ST18: variants seen among roughly 807,000 people sequenced by gnomAD.
ST18 encodes the protein ST18 C2H2C-type zinc finger transcription factor.
In ST18, 50 loss-of-function variants were observed where a neutral mutation model predicts 110.0. The ratio of observed to expected loss-of-function variants is 0.45; its 90% CI spans 0.36 to 0.58. The LOEUF (loss-of-function observed/expected upper bound fraction) is 0.58, where lower values mean the gene tolerates loss of function less well. Among genes scored for constraint, ST18 ranks in the 20% least tolerant of loss-of-function variants. The probability of loss-of-function intolerance (pLI) is 0.00; values close to 1 mark genes in which losing one functional copy is unlikely to be tolerated. For synonymous variants in ST18, 461 were observed against 452.4 expected, an observed-to-expected ratio of 1.02 and a Z score of -0.24; for missense variants, 1,306 against 1,280.1, an observed-to-expected ratio of 1.02 and a Z score of -0.31.
chr8:52,329,181 ATG>A (rs1234713706), intron 2 of ST18, among the ~76,000 whole-genome samples: 1 of 143,318 alleles, frequency 7.0e-6, no homozygotes, highest in South Asian at 2.2e-4. Flanking sequence ...CTGTTTTTCT[ATG>A]TGTGTTTCTG....
chr8:52,163,450 T>G (rs2061974514), intron 13 of ST18, among the ~76,000 whole-genome samples: 1 of 152,178 alleles, frequency 6.6e-6, no homozygotes, highest in South Asian at 2.1e-4. Flanking sequence ...CTTCCAAATT[T>G]CTAGATATCA....
intron 4 of ST18, among the ~76,000 whole-genome samples, chr8:52,221,199 TCATTA>T (rs2086606712): frequency 6.6e-6 from 1 of 152,150 alleles, no homozygotes; most frequent in Non-Finnish European, 1.5e-5. Flanking sequence ...CTCTTAATGA[TCATTA>T]CTATTATTTT....
At chr8:52,292,691 C>T (rs1564429864) in intron 2 of ST18, among the ~76,000 whole-genome samples, 1 of 152,178 alleles carries the variant, frequency 6.6e-6, no homozygotes, top group Non-Finnish European at 1.5e-5. Context: ...CTATGTGTGT[C>T]TATTGAGTTT....
At chr8:52,300,997 T>A (rs534534806) in intron 2 of ST18, among the ~76,000 whole-genome samples, 37 of 152,330 alleles carry the variant, frequency 2.4e-4, no homozygotes, top group African/African-American at 8.4e-4. Flanking sequence ...TCTTTGAAAG[T>A]AAATTTGTAA....
intron 2 of ST18, among the ~76,000 whole-genome samples, chr8:52,339,838 C>A (rs146414618): frequency 3.5e-4 from 54 of 152,340 alleles, no homozygotes; most frequent in African/African-American, 1.3e-3. Context: ...TTTTGTGGAT[C>A]TTTTGACACC....
intron 2 of ST18, among the ~76,000 whole-genome samples, chr8:52,247,082 G>A (rs1354924239): frequency 6.6e-6 from 1 of 152,102 alleles, no homozygotes; most frequent in Non-Finnish European, 1.5e-5. Flanking sequence ...CTTAGATGGG[G>A]ATCCTTAGGG....
At chr8:52,364,041 C>A (rs1158569720) in intron 2 of ST18, among the ~76,000 whole-genome samples, 1 of 152,180 alleles carries the variant, frequency 6.6e-6, no homozygotes, top group Admixed American at 6.5e-5. Context: ...TTACATTATT[C>A]CAGTTCTAGG....
At chr8:52,283,641 A>T (rs1490829684) in intron 2 of ST18, among the ~76,000 whole-genome samples, 1 of 152,106 alleles carries the variant, frequency 6.6e-6, no homozygotes, top group East Asian at 1.9e-4. Flanking sequence ...TGAGATCGAG[A>T]CTCAGCTGCT....
intron 2 of ST18, among the ~76,000 whole-genome samples, chr8:52,278,114 A>T (rs2095309289): frequency 6.6e-6 from 1 of 152,176 alleles, no homozygotes; most frequent in Non-Finnish European, 1.5e-5. Flanking sequence ...AAAGCTATAC[A>T]TTTTGCCTTG....
intron 2 of ST18, among the ~76,000 whole-genome samples, chr8:52,350,897 T>C (rs1045987588): frequency 6.6e-6 from 1 of 151,922 alleles, no homozygotes; most frequent in Non-Finnish European, 1.5e-5. Flanking sequence ...ATTTTTTGTA[T>C]TTTTAGTAGA....
At position 52,379,102 on chromosome 8, in the gene ST18, C is replaced by CTTTT. The variant is rs35639924; in HGVS notation, c.-465+30222_-465+30225dup. Among the ~76,000 whole-genome samples the CTTTT allele has an allele frequency of 1.4e-5, 2 of 145,702 alleles. 1 individual carries two copies. On this transcript the variant is annotated intron_variant, in intron 2 of 25. Coordinates refer to ENST00000689386, the MANE Select transcript of ST18 (RefSeq NM_001352837.2). ...AGAATAAAATCTATTTCTTTTCTTT[C>CTTTT]TTTTTTTTTTTTTTGAGACAGGGTC...
intron 2 of ST18, among the ~76,000 whole-genome samples, chr8:52,387,814 A>G (rs540785145): frequency 6.6e-6 from 1 of 152,276 alleles, no homozygotes; most frequent in Admixed American, 6.5e-5. Flanking sequence ...AAAAGAAAAG[A>G]ACTGGTTTGT....
At chr8:52,316,996 C>G (rs1276595850) in intron 2 of ST18, among the ~76,000 whole-genome samples, 1 of 152,176 alleles carries the variant, frequency 6.6e-6, no homozygotes, top group Admixed American at 6.5e-5. Flanking sequence ...CAATGTTTAT[C>G]ATGAGTCTTA....
At chr8:52,243,338 C>A (rs1255278738) in intron 2 of ST18, among the ~76,000 whole-genome samples, 1 of 152,128 alleles carries the variant, frequency 6.6e-6, no homozygotes, top group Non-Finnish European at 1.5e-5. Flanking sequence ...AAAAATAAAA[C>A]AACTTGTCAA....
chr8:52,161,273 A>C, intron 14 of ST18, 102 bp downstream of exon 14: 2 of 1,159,382 alleles, frequency 1.7e-6, no homozygotes, highest in Non-Finnish European at 1.2e-6. Flanking sequence ...AGCTGTATGT[A>C]GTATATCATA....
At chr8:52,283,680 C>T (rs2095423287) in intron 2 of ST18, among the ~76,000 whole-genome samples, 3 of 152,258 alleles carry the variant, frequency 2.0e-5, no homozygotes, top group Admixed American at 1.3e-4. Context: ...ACACTGTTGG[C>T]TTTCACAGGG....
At chr8:52,395,580 C>T (rs992988978) in intron 2 of ST18, among the ~76,000 whole-genome samples, 1 of 152,026 alleles carries the variant, frequency 6.6e-6, no homozygotes, top group African/African-American at 2.4e-5. Context: ...TAGAGAGAGG[C>T]CAAATTACAG....
intron 8 of ST18, among the ~76,000 whole-genome samples, chr8:52,209,782 AAAAAAAAT>A (rs1413363953): frequency 1.4e-5 from 2 of 138,864 alleles, no homozygotes; most frequent in Non-Finnish European, 3.1e-5. Context: ...AAAAAAAAAA[AAAAAAAAT>A]ATATATATAT....
At chr8:52,212,200 C>A in intron 7 of ST18, 91 bp from the exon 8 acceptor site, 1 of 1,264,030 alleles carries the variant, frequency 7.9e-7, no homozygotes, top group Admixed American at 2.2e-5. Flanking sequence ...CTAGAGGTAA[C>A]GACCAATAAG....
Sources: allele counts gnomAD v4.1 joint callset (sites outside exome capture counted in the v4.1 genomes callset), GRCh38; gene constraint gnomAD v4.1.1; transcripts MANE v1.5; gene names NCBI Gene and HGNC (gene_info 2026-07-23, HGNC 2026-07-21).